The following LOXHD1 variants were observed in gnomAD, a reference collection of about 807,000 sequenced individuals.
LOXHD1 encodes the protein lipoxygenase homology domain-containing protein 1.
Under a neutral mutation model 248.2 loss-of-function variants are expected in LOXHD1, and 205 were observed. The ratio of observed to expected loss-of-function variants is 0.83; its 90% CI spans 0.74 to 0.93. LOXHD1 has a LOEUF of 0.93. Among genes scored for constraint, LOXHD1 ranks in the 40% least tolerant of loss-of-function variants. The pLI, the probability that LOXHD1 is intolerant of heterozygous loss-of-function variation, is 0.00. For synonymous variants in LOXHD1, 1,113 were observed against 1,162.8 expected (o/e 0.96, Z 0.87); for missense variants, 2,930 against 2,971.6 (o/e 0.99, Z 0.33).
intron 4 of LOXHD1, among the ~76,000 whole-genome samples, chr18:46,624,547 C>G (rs956823489): frequency 3.9e-5 from 6 of 152,198 alleles, no homozygotes; most frequent in Non-Finnish European, 8.8e-5. Context: ...CATGCTACCC[C>G]CAAAAGGTTT....
intron 33 of LOXHD1, chr18:46,520,502 C>A: frequency 2.8e-6 from 1 of 351,044 alleles, no homozygotes. Flanking sequence ...CCTGCCTGGC[C>A]TGACCTGTGC....
intron 4 of LOXHD1, among the ~76,000 whole-genome samples, chr18:46,627,530 C>T (rs957722808): frequency 2.0e-5 from 3 of 152,120 alleles, no homozygotes; most frequent in Non-Finnish European, 4.4e-5. Flanking sequence ...AAAAAAAAGG[C>T]TATTTTAAAC....
Position 46,541,874 on chromosome 18 carries a change from G to T in LOXHD1, c.3815C>A (p.Thr1272Lys). The T allele has an allele frequency of 6.4e-7, 1 of 1,551,708 alleles. No homozygotes were observed. Among genetic ancestry groups the T allele is most frequent in the Non-Finnish European group, 8.7e-7 (1 of 1,147,004 alleles). ...VDAPSLGKCM[T>K]FPCGRWLAKN... The stretch of plus-strand genomic sequence containing the variant: ...GGCCAGCCAGCGGCCACAGGGAAAC[G>T]TCATGCACTTCCCAAGAGATGGGGC... Residue 1272 changes from threonine to lysine, a missense_variant, in exon 25 of 41, where the codon ACG becomes AAG. Thr to Lys is a moderately conservative substitution (Grantham distance 78). Transcript: ENST00000642948.
chr18:46,560,866 G>T (rs115153874), intron 18 of LOXHD1, among the ~76,000 whole-genome samples: 2 of 149,676 alleles, frequency 1.3e-5, no homozygotes, highest in African/African-American at 5.0e-5. Flanking sequence ...GCGCGCGCGC[G>T]CCTCATTCCT....
intron 2 of LOXHD1, among the ~76,000 whole-genome samples, chr18:46,643,817 C>A (rs954748207): frequency 1.3e-5 from 2 of 152,046 alleles, no homozygotes; most frequent in African/African-American, 4.8e-5. Context: ...TAATGAAATA[C>A]TTTGCAACCA....
At chr18:46,607,794 G>C (rs2038440270) in intron 6 of LOXHD1, among the ~76,000 whole-genome samples, 1 of 152,068 alleles carries the variant, frequency 6.6e-6, no homozygotes, top group Non-Finnish European at 1.5e-5. Context: ...CAGGAGTAAA[G>C]GGGAAGCTGC....
intron 8 of LOXHD1, among the ~76,000 whole-genome samples, chr18:46,596,046 A>G (rs2038252182): frequency 6.6e-6 from 1 of 152,040 alleles, no homozygotes; most frequent in African/African-American, 2.4e-5. Context: ...AAAATATAGT[A>G]TTGTTACTAG....
At chr18:46,645,128 C>A (rs2039012826) in intron 2 of LOXHD1, among the ~76,000 whole-genome samples, 1 of 152,220 alleles carries the variant, frequency 6.6e-6, no homozygotes, top group Non-Finnish European at 1.5e-5. Context: ...AATAAGCCCC[C>A]AACTCAGGAT....
At chr18:46,525,202 C>A (rs1485770605) in intron 29 of LOXHD1, among the ~76,000 whole-genome samples, 1 of 152,178 alleles carries the variant, frequency 6.6e-6, no homozygotes, top group East Asian at 1.9e-4. Context: ...TTCGAAGCCT[C>A]CTCTGTGTAA....
intron 14 of LOXHD1, among the ~76,000 whole-genome samples, chr18:46,576,274 G>A (rs867975273): frequency 1.3e-5 from 2 of 152,128 alleles, no homozygotes; most frequent in Admixed American, 1.3e-4. Flanking sequence ...TCTGATCCAG[G>A]ATGGGGGTGA....
chr18:46,540,693 A>G (rs1337866352), intron 25 of LOXHD1, among the ~76,000 whole-genome samples: 2 of 105,386 alleles, frequency 1.9e-5, no homozygotes, highest in Non-Finnish European at 3.5e-5. Context: ...GGCATGTCCT[A>G]GGGCATGTAG....
chr18:46,593,648 C>T lies in LOXHD1; in HGVS notation c.1383G>A (p.Leu461=), dbSNP rs572558965. ...GTTTGAACCACTTGTTGTTGGGATT[C>T]AGGAGAATCTCATCTGTCCGCCCCT... ...GQKGRTDEIL[L]NPNNKWFKPG... The change falls in exon 10 of 41, where the codon CTG becomes CTA. Residue 461 remains leucine, a synonymous_variant. Transcript: ENST00000642948. 5.2e-6 allele frequency: 8 copies of T among 1,552,314 alleles called. No individual in the cohort carries two copies. In the African/African-American group the frequency reaches 8.2e-5, roughly 16 times the overall value.
intron 34 of LOXHD1, among the ~76,000 whole-genome samples, chr18:46,516,295 C>A (rs1357611277): frequency 6.6e-6 from 1 of 152,164 alleles, no homozygotes; most frequent in South Asian, 2.1e-4. Flanking sequence ...TTAAAAAGCA[C>A]TTGCAACAGT....
At chr18:46,647,598 A>G (rs2039048641) in intron 2 of LOXHD1, among the ~76,000 whole-genome samples, 1 of 152,224 alleles carries the variant, frequency 6.6e-6, no homozygotes, top group African/African-American at 2.4e-5. Flanking sequence ...CCGTGCCCAC[A>G]TCATCGGACG....
chr18:46,522,347 A>G (rs901991602), intron 31 of LOXHD1, 38 bp from the exon 32 acceptor site: 5 of 1,510,758 alleles, frequency 3.3e-6, no homozygotes, highest in Admixed American at 3.9e-5. Flanking sequence ...ATAACAGACC[A>G]GATAGACAAG....
chr18:46,499,238 C>T (rs2034072147), intron 37 of LOXHD1, among the ~76,000 whole-genome samples: 1 of 152,152 alleles, frequency 6.6e-6, no homozygotes, highest in Non-Finnish European at 1.5e-5. Context: ...TAGGGAGCAT[C>T]TAACTTCATT....
chr18:46,651,844 GAAGAT>G (rs1158819510), intron 1 of LOXHD1, among the ~76,000 whole-genome samples: 9 of 152,202 alleles, frequency 5.9e-5, no homozygotes, highest in Non-Finnish European at 1.3e-4. Flanking sequence ...AAGTTTTTAA[GAAGAT>G]AAGTGTACAC....
intron 37 of LOXHD1, among the ~76,000 whole-genome samples, chr18:46,497,122 G>C (rs1408814869): frequency 6.6e-6 from 1 of 152,204 alleles, no homozygotes; most frequent in Non-Finnish European, 1.5e-5. Context: ...GGGGTGGAGG[G>C]CCACTTCTTT....
At chr18:46,600,179 G>T (rs1017268919) in intron 8 of LOXHD1, among the ~76,000 whole-genome samples, 1 of 152,162 alleles carries the variant, frequency 6.6e-6, no homozygotes, top group Non-Finnish European at 1.5e-5. Context: ...AATATCCATC[G>T]ACAGAAGAAT....
Sources: gnomAD v4.1 joint callset for allele counts (sites outside exome capture counted in the v4.1 genomes callset) on GRCh38, gnomAD v4.1.1 for gene constraint, MANE v1.5 for transcripts, NCBI Gene and HGNC (gene_info 2026-07-23, HGNC 2026-07-21) for gene names.